GRID2IP: variants seen among roughly 807,000 people sequenced by gnomAD.
The protein encoded by GRID2IP is Grid2 interacting protein, also known as delphilin.
Under a neutral mutation model 114.3 loss-of-function variants are expected in GRID2IP, and 78 were observed. The observed-to-expected ratio is 0.68, with a 90% CI of 0.57 to 0.82. GRID2IP has a LOEUF of 0.82. GRID2IP is among the 40% of genes least tolerant of loss of function. The pLI is 0.00. For synonymous variants in GRID2IP, 809 were observed against 724.0 expected, an observed-to-expected ratio of 1.12 and a Z score of -1.89; for missense variants, 1,727 against 1,678.5, an observed-to-expected ratio of 1.03 and a Z score of -0.51.
rs1196556738 is a variant in GRID2IP, at chr7:6,502,856, C to T, written c.3080G>A (p.Gly1027Asp). 1 of 1,551,652 alleles carries T rather than the reference C, an allele frequency of 6.4e-7. No individual in the cohort carries two copies. Among genetic ancestry groups the T allele is most frequent in the African/African-American group, 1.4e-5 (1 of 73,044 alleles). Residue 1027 changes from glycine to aspartate, a missense_variant, in exon 18 of 22, where the codon GGC becomes GAC. Gly to Asp is a moderately conservative substitution (Grantham distance 94). Coordinates refer to ENST00000457091, the MANE Select transcript of GRID2IP (RefSeq NM_001145118.2). Reference protein sequence around the residue: ...AKILEFVLAMGNYLNDGQPKT... With the variant: ...AKILEFVLAMDNYLNDGQPKT... ...GGGCTGTCCATCGTTGAGATAGTTG[C>T]CCATGGCCAACACAAACTGTGGACA... is the stretch of plus-strand genomic sequence containing the variant.
Position 6,533,674 on chromosome 7 carries a change from C to CTT in GRID2IP, c.584+6042_584+6043dup, listed in dbSNP as rs1179952257. On this transcript the variant is annotated intron_variant, in intron 2 of 21. Coordinates refer to ENST00000457091, the MANE Select transcript of GRID2IP (RefSeq NM_001145118.2). The stretch of plus-strand genomic sequence containing the variant: ...CCACTGCCCCCAGCTCATTTTTAAA[C>CTT]TTTTTTTTTTTTTTTTTTAAGAGAT... Among the ~76,000 whole-genome samples the CTT allele has an allele frequency of 5.1e-3, 689 of 135,490 alleles. 4 individuals carry two copies. Among genetic ancestry groups the CTT allele is most frequent in the African/African-American group, 0.016 (570 of 36,436 alleles). 88.9% of individuals were successfully genotyped at this position (135,490 alleles called of 152,430 possible).
At chr7:6,522,676 C>G (rs570230691) in intron 4 of GRID2IP, among the ~76,000 whole-genome samples, 1 of 151,492 alleles carries the variant, frequency 6.6e-6, no homozygotes, top group Non-Finnish European at 1.5e-5. Context: ...GATGGAGTCT[C>G]GCTCTATCAC....
At chr7:6,545,442 G>A (rs946325994) in intron 1 of GRID2IP, among the ~76,000 whole-genome samples, 2 of 152,286 alleles carry the variant, frequency 1.3e-5, no homozygotes, top group East Asian at 1.9e-4. Context: ...CAGCTCTGGC[G>A]AAGAACCCCA....
At position 6,509,276 on chromosome 7, in the gene GRID2IP, C is replaced by G. The variant is rs1383041751; in HGVS notation, c.1809G>C (p.Glu603Asp). 6.5e-7 allele frequency: 1 copy of G among 1,527,488 alleles called. No individual in the cohort carries two copies. Among genetic ancestry groups the G allele is most frequent in the Non-Finnish European group, 8.8e-7 (1 of 1,135,168 alleles). The allele number at this position is 1,527,488 out of a possible 1,614,324, so 94.6% of individuals were successfully genotyped here. A position where few individuals can be genotyped will look rare whatever the true frequency, so the allele number is the denominator to read the frequency against. The change falls in exon 12 of 22, where the codon GAG (glutamate) becomes GAC (aspartate). Residue 603 changes from glutamate to aspartate, a missense_variant. Coordinates refer to ENST00000457091, the MANE Select transcript of GRID2IP (RefSeq NM_001145118.2). This position sits in a 1 kb window ranked among gnomAD's most constrained non-coding sequence, Gnocchi z 4.9. ...RTLSGVSWPS[E>D]RLLPSPCYHP... is the part of the protein sequence containing the mutation. Reference sequence around the variant, plus strand: ...GGTAGCAGGGGGAGGGCAAGAGTCGCTCGCTGGGCCATGAGACGCCGGACA... The same window carrying G: ...GGTAGCAGGGGGAGGGCAAGAGTCGGTCGCTGGGCCATGAGACGCCGGACA...
At chr7:6,524,142 C>A (rs1315087381) in intron 4 of GRID2IP, among the ~76,000 whole-genome samples, 4 of 152,110 alleles carry the variant, frequency 2.6e-5, no homozygotes, top group Non-Finnish European at 5.9e-5. Context: ...GACTACTGGC[C>A]TCAGTTTCCC....
At chr7:6,500,933 T>C (rs1253715759) in intron 20 of GRID2IP, among the ~76,000 whole-genome samples, 2 of 152,230 alleles carry the variant, frequency 1.3e-5, no homozygotes, top group Admixed American at 1.3e-4. Flanking sequence ...AGGCTGCTCC[T>C]TGTAATTTTG....
intron 4 of GRID2IP, among the ~76,000 whole-genome samples, chr7:6,522,781 G>C (rs1176164109): frequency 6.7e-6 from 1 of 149,864 alleles, no homozygotes; most frequent in Non-Finnish European, 1.5e-5. Context: ...GAATAGGTGG[G>C]ACTACAGCCA....
At chr7:6,538,073 A>G (rs1270229338) in intron 2 of GRID2IP, among the ~76,000 whole-genome samples, 5 of 152,088 alleles carry the variant, frequency 3.3e-5, no homozygotes, top group Admixed American at 3.3e-4. Flanking sequence ...CACATTCATC[A>G]TCATCACCAA....
At chr7:6,550,914 A>G in intron 1 of GRID2IP, 94 bp downstream of exon 1, 1 of 1,181,092 alleles carries the variant, frequency 8.5e-7, no homozygotes, top group Non-Finnish European at 1.0e-6. Context: ...AAGTTTCCTT[A>G]CCTCTGGCCC....
rs1786671726 is a variant in GRID2IP at position 6,508,783 on chromosome 7, C to T, written c.2127+175G>A. On this transcript the variant is annotated intron_variant, in intron 12 of 21. Coordinates refer to ENST00000457091, the MANE Select transcript of GRID2IP (RefSeq NM_001145118.2). This position sits in a 1 kb window ranked among gnomAD's most constrained non-coding sequence, Gnocchi z 5.6. Reference sequence around the variant, plus strand: ...AGTCAAGGAGCATGATAACCTTGAACAGGAGATAGGGTAACCTGGGGCAAG... The same window carrying T: ...AGTCAAGGAGCATGATAACCTTGAATAGGAGATAGGGTAACCTGGGGCAAG... Among the ~76,000 whole-genome samples the T allele has an allele frequency of 6.6e-6, 1 of 152,106 alleles. No individual in the cohort carries two copies.
In GRID2IP at chr7:6,520,433, G is replaced by A; in HGVS notation, c.1268+145C>T. 1 of 892,242 alleles carries A rather than the reference G, an allele frequency of 1.1e-6. No homozygotes were observed. 55.3% of individuals were successfully genotyped at this position (892,242 alleles called of 1,614,324 possible). A position where few individuals can be genotyped will look rare whatever the true frequency, so the allele number is the denominator to read the frequency against. On this transcript the variant is annotated intron_variant, in intron 7 of 21. Transcript: ENST00000457091. The surrounding 1 kb of genome is among the most constrained non-coding windows in gnomAD (Gnocchi z 4.6). ...CAGCTCAATTGCCCACCACCCTGGG[G>A]CCCCTGATACCAGCAGCCACCTTCC...
Position 6,528,886 on chromosome 7 carries a change from C to T in GRID2IP, c.585-2117G>A, listed in dbSNP as rs141574380. On this transcript the variant is annotated intron_variant, in intron 2 of 21. Transcript: ENST00000457091. This position sits in a 1 kb window ranked among gnomAD's most constrained non-coding sequence, Gnocchi z 6.0. ...CCACCTGCAATGCTTCCTGCAAATC[C>T]GGAAACACAGCCTCATCCCCCAGAT... Among the ~76,000 whole-genome samples, 63 of 152,244 alleles carry T rather than the reference C, an allele frequency of 4.1e-4. 1 individual carries two copies. The highest frequency in any genetic ancestry group is 1.4e-3 in the African/African-American group (57 of 41,542).
intron 2 of GRID2IP, among the ~76,000 whole-genome samples, chr7:6,535,912 CG>C (rs1450053059): frequency 6.6e-6 from 1 of 152,120 alleles, no homozygotes. Flanking sequence ...ATCTACAGGA[CG>C]CACCACCAGA....
intron 4 of GRID2IP, among the ~76,000 whole-genome samples, chr7:6,522,809 G>GTGTGTGTGTGTGTA (rs1779438375): frequency 1.5e-5 from 1 of 65,940 alleles, no homozygotes; most frequent in African/African-American, 4.0e-5. Flanking sequence ...TGGCTAATAT[G>GTGTGTGTGTGTGTA]TGTGTGTGTG....
intron 20 of GRID2IP, among the ~76,000 whole-genome samples, chr7:6,499,320 G>A (rs116221141): frequency 0.012 from 1,854 of 152,246 alleles, 38 homozygotes; most frequent in African/African-American, 0.042. Flanking sequence ...GCTCACAGAG[G>A]GTAACTGACT....
chr7:6,526,534 C>G lies in GRID2IP; in HGVS notation c.820G>C (p.Gly274Arg). 1 of 1,230,072 alleles carries G rather than the reference C, an allele frequency of 8.1e-7. No individual in the cohort carries two copies. The highest frequency in any genetic ancestry group is 1.0e-6 in the Non-Finnish European group (1 of 986,642). The allele number at this position is 1,230,072 out of a possible 1,614,324, so 76.2% of individuals were successfully genotyped here. A position where few individuals can be genotyped will look rare whatever the true frequency, so the allele number is the denominator to read the frequency against. Residue 274 changes from glycine (G) to arginine (R), a missense_variant, in exon 3 of 22, where the codon GGG (glycine) becomes CGG (arginine). Physicochemically the swap from Gly to Arg is moderately radical, Grantham distance 125. Coordinates refer to ENST00000457091, the MANE Select transcript of GRID2IP (RefSeq NM_001145118.2). This position sits in a 1 kb window ranked among gnomAD's most constrained non-coding sequence, Gnocchi z 7.6. ...SLLVGGLAGP[G>R]GARRTVRVYK... The stretch of plus-strand genomic sequence containing the variant: ...AGCCCCGCGTACCTGCGCGCGCCCC[C>G]GGGGCCGGCGAGGCCGCCCACCAGC...
chr7:6,511,109 A>C (rs1253652693), intron 8 of GRID2IP, 70 bp from the exon 9 acceptor site: 1 of 1,322,138 alleles, frequency 7.6e-7, no homozygotes, highest in African/African-American at 1.5e-5. Flanking sequence ...CAAAACAGGG[A>C]GGGGAGGGCA....
Position 6,521,773 on chromosome 7 carries a change from G to T in GRID2IP, c.989+115C>A. 1 of 809,364 alleles carries T rather than the reference G, an allele frequency of 1.2e-6. No homozygotes were observed. Among genetic ancestry groups the T allele is most frequent in the Non-Finnish European group, 2.0e-6 (1 of 494,488 alleles). 50.1% of individuals were successfully genotyped at this position (809,364 alleles called of 1,614,324 possible). The stretch of plus-strand genomic sequence containing the variant: ...CATTGGAAGAGGGACAGACCCTGGG[G>T]ACCAAATGGTGAGAGGAGATTGTGA... On this transcript the variant is annotated intron_variant, in intron 5 of 21. Transcript: ENST00000457091. This position sits in a 1 kb window ranked among gnomAD's most constrained non-coding sequence, Gnocchi z 4.1.
At chr7:6,510,787 A>G (rs1779131883) in intron 9 of GRID2IP, 81 bp from the exon 10 acceptor site, 1 of 1,473,184 alleles carries the variant, frequency 6.8e-7, no homozygotes, top group Non-Finnish European at 9.2e-7. Flanking sequence ...CCGCAGACCC[A>G]GGAGGGCCAA....
Sources: gnomAD v4.1 joint callset for allele counts (sites outside exome capture counted in the v4.1 genomes callset) on GRCh38, gnomAD v4.1.1 for gene constraint, Gnocchi (gnomAD v3.1) non-coding constraint, MANE v1.5 for transcripts, NCBI Gene and HGNC (gene_info 2026-07-23, HGNC 2026-07-21) for gene names.